The following SCFD1 variants were observed in gnomAD, a reference collection of about 807,000 sequenced individuals.
SCFD1 encodes sec1 family domain containing 1, also known as sec1 family domain-containing protein 1.
Under a neutral mutation model 103.2 loss-of-function variants are expected in SCFD1, and 37 were observed. The ratio of observed to expected loss-of-function variants is 0.36; its 90% CI spans 0.28 to 0.47. SCFD1 has a LOEUF of 0.47. Among genes scored for constraint, SCFD1 ranks in the 20% least tolerant of loss-of-function variants. SCFD1 has a pLI of 1.00. For synonymous variants in SCFD1, 264 were observed against 245.0 expected (o/e 1.08, Z -0.73); for missense variants, 639 against 761.2 (o/e 0.84, Z 1.89).
chr14:30,673,417 G>T lies in SCFD1; in HGVS notation c.1086+70G>T, dbSNP rs114694166. On this transcript the variant is annotated intron_variant, in intron 12 of 24. Coordinates refer to ENST00000458591, the MANE Select transcript of SCFD1 (RefSeq NM_016106.4). ...TTATCTGTTAGATAAAGAGATTTGG[G>T]TTTTTTTCCTTATAAAAATTGAAGG... is the stretch of plus-strand genomic sequence containing the variant. 1.5e-3 allele frequency: 1,216 copies of T among 787,360 alleles called. 10 individuals carry two copies. In the African/African-American group the frequency reaches 0.019, roughly 12 times the overall value. The allele number at this position is 787,360 out of a possible 1,614,324, so 48.8% of individuals were successfully genotyped here. A position where few individuals can be genotyped will look rare whatever the true frequency, so the allele number is the denominator to read the frequency against.
chr14:30,639,120 G>A (rs564609897), intron 5 of SCFD1, among the ~76,000 whole-genome samples: 1 of 152,044 alleles, frequency 6.6e-6, no homozygotes. Context: ...GGAATGCAGT[G>A]GTGCAATCAC....
At chr14:30,682,622 G>T (rs1889578608) in intron 14 of SCFD1, among the ~76,000 whole-genome samples, 2 of 152,172 alleles carry the variant, frequency 1.3e-5, no homozygotes. Context: ...TGAACAAGCA[G>T]TCTCAAGGAG....
chr14:30,702,430 T>TGGC, intron 17 of SCFD1, 55 bp downstream of exon 17: 1 of 1,093,432 alleles, frequency 9.1e-7, no homozygotes, highest in Non-Finnish European at 1.3e-6. Flanking sequence ...CAATTGAGGC[T>TGGC]TCATTCCCAA....
At chr14:30,714,031 T>C (rs1892082380) in intron 19 of SCFD1, among the ~76,000 whole-genome samples, 1 of 152,140 alleles carries the variant, frequency 6.6e-6, no homozygotes, top group Non-Finnish European at 1.5e-5. Flanking sequence ...ACAGACTCAA[T>C]TTTATTTGAA....
At chr14:30,634,865 T>A (rs1884557779) in intron 4 of SCFD1, 1 of 455,924 alleles carries the variant, frequency 2.2e-6, no homozygotes, top group African/African-American at 2.0e-5. Flanking sequence ...TTGATTTTGA[T>A]CAGGAATTTA....
chr14:30,666,348 C>T (rs1205220428), intron 10 of SCFD1, among the ~76,000 whole-genome samples: 1 of 152,124 alleles, frequency 6.6e-6, no homozygotes, highest in Non-Finnish European at 1.5e-5. Context: ...TTCTTTGAAA[C>T]CAATGAGAAC....
chr14:30,733,548 C>A (rs1040277160), intron 23 of SCFD1, among the ~76,000 whole-genome samples: 3 of 152,166 alleles, frequency 2.0e-5, no homozygotes, highest in Admixed American at 6.5e-5. Flanking sequence ...GGCTACTGTA[C>A]CCCTGTGCTT....
At chr14:30,644,024 C>T (rs1041656297) in intron 7 of SCFD1, 2 of 455,888 alleles carry the variant, frequency 4.4e-6, no homozygotes, top group South Asian at 3.1e-5. Context: ...CTCAGGTAGA[C>T]CCCAATATCT....
chr14:30,690,791 G>T (rs1890235009), intron 14 of SCFD1, among the ~76,000 whole-genome samples: 1 of 152,162 alleles, frequency 6.6e-6, no homozygotes, highest in Non-Finnish European at 1.5e-5. Context: ...CACGCTGGGA[G>T]CTGTAGACCG....
At chr14:30,673,887 T>A in intron 12 of SCFD1, 37 bp from the exon 13 acceptor site, 1 of 1,432,888 alleles carries the variant, frequency 7.0e-7, no homozygotes, top group Non-Finnish European at 9.8e-7. Context: ...GTGCCTGGGA[T>A]TTTTGAGTAG....
chr14:30,625,351 T>C (rs994273655), intron 1 of SCFD1, among the ~76,000 whole-genome samples: 3 of 152,206 alleles, frequency 2.0e-5, no homozygotes, highest in African/African-American at 7.2e-5. Flanking sequence ...GCATTATTAC[T>C]GGTTGAGCAT....
rs137981539 is a variant in SCFD1, at chr14:30,664,212, C to T, written c.856-6044C>T. 6.0e-3 allele frequency among the ~76,000 whole-genome samples: 913 copies of T among 152,210 alleles called. 3 individuals are homozygous for T. The highest frequency in any genetic ancestry group is 0.014 in the Middle Eastern group (4 of 294). On this transcript the variant is annotated intron_variant, in intron 10 of 24. Coordinates refer to ENST00000458591, the MANE Select transcript of SCFD1 (RefSeq NM_016106.4). ...TCAGGCAGCAATATTTGTTGTTCTGCAACATTTGCTGTTCTGCAGCCTCCG... is the reference window on the plus strand; with the variant it reads ...TCAGGCAGCAATATTTGTTGTTCTGTAACATTTGCTGTTCTGCAGCCTCCG...
intron 10 of SCFD1, among the ~76,000 whole-genome samples, chr14:30,658,907 A>G (rs1425148822): frequency 6.6e-6 from 1 of 152,210 alleles, no homozygotes; most frequent in African/African-American, 2.4e-5. Flanking sequence ...GCATTTGCCT[A>G]AAAGTCAAAA....
intron 10 of SCFD1, among the ~76,000 whole-genome samples, chr14:30,667,507 G>A (rs1888100885): frequency 6.6e-6 from 1 of 152,170 alleles, no homozygotes; most frequent in South Asian, 2.1e-4. Flanking sequence ...AGACAGGGAT[G>A]CCCTCTCTCA....
chr14:30,727,625 A>G (rs2139430817), intron 23 of SCFD1, among the ~76,000 whole-genome samples: 1 of 152,322 alleles, frequency 6.6e-6, no homozygotes, highest in South Asian at 2.1e-4. Flanking sequence ...CGAGATACCA[A>G]AATAATGTTA....
rs1369006762 is a variant in SCFD1, at chr14:30,645,984, A to T, written c.613+2579A>T. Among the ~76,000 whole-genome samples the T allele has an allele frequency of 4.6e-5, 7 of 151,842 alleles. No individual in the cohort carries two copies. The South Asian group carries it at 1.2e-3, about 27-fold the overall frequency. On this transcript the variant is annotated intron_variant, in intron 7 of 24. Coordinates refer to ENST00000458591, the MANE Select transcript of SCFD1 (RefSeq NM_016106.4). ...TAGATTACTCTTATTATTTTGAGGT[A>T]TGTTTCTTCATTGCCTAATTTGTTG...
chr14:30,660,670 A>G (rs1887365655), intron 10 of SCFD1, among the ~76,000 whole-genome samples: 1 of 151,900 alleles, frequency 6.6e-6, no homozygotes, highest in African/African-American at 2.4e-5. Context: ...TCCTTTGTCA[A>G]TTTTCAGAAT....
chr14:30,696,663 T>G (rs186083541), intron 15 of SCFD1, among the ~76,000 whole-genome samples: 3 of 152,008 alleles, frequency 2.0e-5, no homozygotes, highest in Admixed American at 6.6e-5. Context: ...CATGTGGGAG[T>G]AGTCTAGCAA....
chr14:30,682,144 TGA>T (rs546820046), intron 14 of SCFD1, among the ~76,000 whole-genome samples: 2 of 152,310 alleles, frequency 1.3e-5, no homozygotes, highest in African/African-American at 4.8e-5. Flanking sequence ...TGTTTTTGGT[TGA>T]GAGAAAAAAT....
Sources: gnomAD v4.1 joint callset for allele counts (sites outside exome capture counted in the v4.1 genomes callset) on GRCh38, gnomAD v4.1.1 for gene constraint, MANE v1.5 for transcripts, NCBI Gene and HGNC (gene_info 2026-07-23, HGNC 2026-07-21) for gene names.